The following LRRTM4 variants were observed in gnomAD, a reference collection of about 807,000 sequenced individuals.
LRRTM4 encodes leucine-rich repeat transmembrane neuronal protein 4.
LRRTM4 carries 25 observed loss-of-function variants against 47.6 expected under a neutral mutation model. The ratio of observed to expected loss-of-function variants is 0.53; its 90% CI spans 0.38 to 0.73. LRRTM4 has a LOEUF of 0.73. LRRTM4 is among the 30% of genes least tolerant of loss of function. The pLI, the probability that LRRTM4 is intolerant of heterozygous loss-of-function variation, is 0.00. For synonymous variants in LRRTM4, 311 were observed against 269.5 expected, an observed-to-expected ratio of 1.15 and a Z score of -1.51; for missense variants, 638 against 713.4, an observed-to-expected ratio of 0.89 and a Z score of 1.20.
intron 3 of LRRTM4, among the ~76,000 whole-genome samples, chr2:77,015,046 A>G (rs955207098): frequency 6.6e-6 from 1 of 152,098 alleles, no homozygotes; most frequent in Non-Finnish European, 1.5e-5. Context: ...TGATGGGGAG[A>G]GTAGCCTGGA....
intron 3 of LRRTM4, among the ~76,000 whole-genome samples, chr2:77,456,953 AATTAT>A (rs201320498): frequency 0.037 from 4,796 of 130,194 alleles, 272 homozygotes; most frequent in East Asian, 0.12. Flanking sequence ...ATTAAATTCA[AATTAT>A]ATTATATTAT....
chr2:77,495,513 T>C (rs1678327806), intron 3 of LRRTM4, among the ~76,000 whole-genome samples: 1 of 152,066 alleles, frequency 6.6e-6, no homozygotes, highest in Non-Finnish European at 1.5e-5. Flanking sequence ...TATTCTAGAA[T>C]TTTTATGGTT....
chr2:77,165,248 C>A (rs566719488), intron 3 of LRRTM4, among the ~76,000 whole-genome samples: 2 of 152,254 alleles, frequency 1.3e-5, no homozygotes, highest in South Asian at 4.1e-4. Context: ...ACACACCCTC[C>A]CAAGACTAAA....
intron 3 of LRRTM4, among the ~76,000 whole-genome samples, chr2:77,247,386 C>A (rs1452079158): frequency 2.0e-5 from 3 of 152,202 alleles, no homozygotes; most frequent in Middle Eastern, 3.4e-3. Context: ...TACCATATGA[C>A]TTACTGAAAC....
intron 3 of LRRTM4, among the ~76,000 whole-genome samples, chr2:76,990,575 G>C (rs538424966): frequency 2.6e-5 from 4 of 151,762 alleles, no homozygotes; most frequent in Admixed American, 2.0e-4. Flanking sequence ...AATGACAAAG[G>C]GTTCAATTTA....
chr2:76,784,105 C>G (rs1674542437), intron 3 of LRRTM4, among the ~76,000 whole-genome samples: 1 of 152,012 alleles, frequency 6.6e-6, no homozygotes, highest in Non-Finnish European at 1.5e-5. Context: ...TCCCCAAATT[C>G]ATGATATATT....
chr2:77,207,499 C>T (rs1288955631), intron 3 of LRRTM4, among the ~76,000 whole-genome samples: 3 of 151,594 alleles, frequency 2.0e-5, no homozygotes, highest in Non-Finnish European at 2.9e-5. Flanking sequence ...TCAGAGTGAG[C>T]TTATAATTGA....
chr2:77,216,384 G>A (rs986252803), intron 3 of LRRTM4, among the ~76,000 whole-genome samples: 1 of 152,078 alleles, frequency 6.6e-6, no homozygotes, highest in Non-Finnish European at 1.5e-5. Context: ...TACAGTATTT[G>A]GGCCGGGCGC....
At chr2:77,103,799 A>G (rs1193493538) in intron 3 of LRRTM4, among the ~76,000 whole-genome samples, 1 of 151,662 alleles carries the variant, frequency 6.6e-6, no homozygotes, top group Non-Finnish European at 1.5e-5. Context: ...AATACAGTGG[A>G]GCCAGTACAA....
At chr2:77,049,588 C>A (rs1264853683) in intron 3 of LRRTM4, among the ~76,000 whole-genome samples, 1 of 151,804 alleles carries the variant, frequency 6.6e-6, no homozygotes, top group Non-Finnish European at 1.5e-5. Flanking sequence ...GTTTGTTTGT[C>A]TTCTATTAGG....
At chr2:77,022,560 G>A (rs925257445) in intron 3 of LRRTM4, among the ~76,000 whole-genome samples, 1 of 152,154 alleles carries the variant, frequency 6.6e-6, no homozygotes, top group Non-Finnish European at 1.5e-5. Context: ...ATACAATGGA[G>A]GTACAGATAT....
intron 3 of LRRTM4, among the ~76,000 whole-genome samples, chr2:76,872,305 C>T (rs1672645674): frequency 1.3e-5 from 2 of 151,952 alleles, no homozygotes; most frequent in South Asian, 4.2e-4. Flanking sequence ...AACATTGAAC[C>T]AGTAAGAACA....
At chr2:77,354,511 G>C (rs1403251255) in intron 3 of LRRTM4, among the ~76,000 whole-genome samples, 2 of 152,164 alleles carry the variant, frequency 1.3e-5, no homozygotes, top group African/African-American at 4.8e-5. Flanking sequence ...ATGTGACTCG[G>C]TAAGTTTCCC....
intron 3 of LRRTM4, among the ~76,000 whole-genome samples, chr2:76,969,028 C>A (rs1329847742): frequency 2.6e-5 from 4 of 151,890 alleles, no homozygotes; most frequent in Non-Finnish European, 5.9e-5. Context: ...TTCCTCTCCT[C>A]TACATACTAC....
intron 3 of LRRTM4, among the ~76,000 whole-genome samples, chr2:76,922,947 T>C (rs1674477799): frequency 1.3e-5 from 2 of 151,996 alleles, no homozygotes; most frequent in African/African-American, 4.8e-5. Context: ...TTTTGGAAAA[T>C]ATTAATATAA....
chr2:77,345,750 T>A (rs1671536668), intron 3 of LRRTM4, among the ~76,000 whole-genome samples: 1 of 151,832 alleles, frequency 6.6e-6, no homozygotes, highest in Non-Finnish European at 1.5e-5. Context: ...AAGTTTTTTT[T>A]AAAGTTAAAT....
chr2:77,048,068 AT>A (rs1313837842), intron 3 of LRRTM4, among the ~76,000 whole-genome samples: 1 of 151,998 alleles, frequency 6.6e-6, no homozygotes, highest in Non-Finnish European at 1.5e-5. Flanking sequence ...CTCATCTTAT[AT>A]TTCTCTGCAT....
At chr2:77,147,045 C>T (rs1672278532) in intron 3 of LRRTM4, among the ~76,000 whole-genome samples, 2 of 151,880 alleles carry the variant, frequency 1.3e-5, no homozygotes, top group African/African-American at 4.8e-5. Flanking sequence ...TACATCTTTC[C>T]CAGAGACAAT....
At chr2:76,892,853 T>G (rs1314794387) in intron 3 of LRRTM4, among the ~76,000 whole-genome samples, 1 of 151,646 alleles carries the variant, frequency 6.6e-6, no homozygotes, top group Admixed American at 6.6e-5. Flanking sequence ...CCTCAAAAAT[T>G]TATTTGGGAA....
Sources: gnomAD v4.1 joint callset for allele counts (sites outside exome capture counted in the v4.1 genomes callset) on GRCh38, gnomAD v4.1.1 for gene constraint, MANE v1.5 for transcripts, NCBI Gene and HGNC (gene_info 2026-07-23, HGNC 2026-07-21) for gene names.